The following DCP1A variants were observed in gnomAD, a reference collection of about 807,000 sequenced individuals.
DCP1A encodes the protein decapping mRNA 1A.
DCP1A carries 20 observed loss-of-function variants against 58.0 expected under a neutral mutation model. The observed-to-expected ratio is 0.34, with a 90% CI of 0.24 to 0.50. The LOEUF is 0.50. Among genes scored for constraint, DCP1A ranks in the 20% least tolerant of loss-of-function variants. The pLI, the probability that DCP1A is intolerant of heterozygous loss-of-function variation, is 0.98. For missense variants in DCP1A, 613 were observed against 712.2 expected (o/e 0.86, Z 1.59); for synonymous variants, 285 against 275.1 (o/e 1.04, Z -0.36).
chr3:53,330,857 A>ATT (rs35396974), intron 3 of DCP1A, among the ~76,000 whole-genome samples: 22 of 93,546 alleles, frequency 2.4e-4, no homozygotes, highest in East Asian at 5.1e-4. Context: ...AGTATATGTA[A>ATT]TTTTTTTTTT....
intron 6 of DCP1A, 91 bp from the exon 7 acceptor site, chr3:53,292,918 A>T (rs1706978533): frequency 3.1e-6 from 4 of 1,305,934 alleles, no homozygotes; most frequent in Non-Finnish European, 4.2e-6. Flanking sequence ...ATTTTGCAGA[A>T]TCAAGGATGG....
Position 53,292,396 on chromosome 3 carries a change from C to T in DCP1A, c.1056G>A (p.Arg352=), listed in dbSNP as rs1553686194. The T allele has an allele frequency of 6.2e-7, 1 of 1,613,406 alleles. No individual in the cohort carries two copies. Among genetic ancestry groups the T allele is most frequent in the Admixed American group, 1.7e-5 (1 of 59,980 alleles). ...GGACTGGCTGGTTCAGGAGTGGAGACCTCTGTCTAGGCGTGGTCTTCACTG... is the reference window on the plus strand; with the variant it reads ...GGACTGGCTGGTTCAGGAGTGGAGATCTCTGTCTAGGCGTGGTCTTCACTG... ...MQAVKTTPRQ[R]SPLLNQPVPE... The change falls in exon 7 of 10, where the codon AGG becomes AGA. Residue 352 remains arginine, a synonymous_variant. Transcript: ENST00000610213.
At chr3:53,341,331 T>C (rs929920718) in intron 3 of DCP1A, among the ~76,000 whole-genome samples, 50 of 152,118 alleles carry the variant, frequency 3.3e-4, no homozygotes, top group African/African-American at 1.2e-3. Flanking sequence ...GGCGGGTGCC[T>C]GTAGTCCCAG....
At position 53,285,293 on chromosome 3, in the gene DCP1A, T is replaced by TAA. The variant is rs1202151013; in HGVS notation, c.*2286_*2287insTT. On this transcript the variant is annotated 3_prime_UTR_variant, in exon 10 of 10. Coordinates refer to ENST00000610213, the MANE Select transcript of DCP1A (RefSeq NM_018403.7). ...ACCTAAGCTAGCATGAGGTTCTAGATAGTAAGCCTGAACTAGGAATAAGGC... is the reference window on the plus strand; with the variant it reads ...ACCTAAGCTAGCATGAGGTTCTAGATAAAGTAAGCCTGAACTAGGAATAAGGC... The TAA allele has an allele frequency of 6.6e-6, 1 of 152,178 alleles. No individual in the cohort carries two copies. Among genetic ancestry groups the TAA allele is most frequent in the African/African-American group, 2.4e-5 (1 of 41,438 alleles). The allele number at this position is 152,178 out of a possible 1,614,324, so 9.4% of individuals were successfully genotyped here.
rs145840841 is a variant in DCP1A, at chr3:53,313,810, A to C, written c.372-1431T>G. 5.9e-3 allele frequency among the ~76,000 whole-genome samples: 905 copies of C among 152,200 alleles called. 12 individuals carry two copies. Among genetic ancestry groups the C allele is most frequent in the Non-Finnish European group, 9.1e-3 (621 of 68,022 alleles). Reference sequence around the variant, plus strand: ...GAGCTCTCATTAGAGTGTGGGGAAGAGGTGAACAGAGATGGCTTTTTTATT... The same window carrying C: ...GAGCTCTCATTAGAGTGTGGGGAAGCGGTGAACAGAGATGGCTTTTTTATT... On this transcript the variant is annotated intron_variant, in intron 4 of 9. Coordinates refer to ENST00000610213, the MANE Select transcript of DCP1A (RefSeq NM_018403.7).
intron 6 of DCP1A, among the ~76,000 whole-genome samples, chr3:53,294,710 T>C (rs1251762011): frequency 1.3e-5 from 2 of 152,158 alleles, no homozygotes; most frequent in Non-Finnish European, 1.5e-5. Context: ...TTTCCAGCTG[T>C]GTGGCCTGAG....
chr3:53,292,121 G>A lies in DCP1A; in HGVS notation c.1331C>T (p.Ala444Val), dbSNP rs1415051313. 1.2e-6 allele frequency: 2 copies of A among 1,613,664 alleles called. No individual in the cohort carries two copies. The highest frequency in any genetic ancestry group is 1.7e-6 in the Non-Finnish European group (2 of 1,179,870). Residue 444 changes from alanine (A) to valine (V), a missense_variant, in exon 7 of 10, where the codon GCA becomes GTA. Transcript: ENST00000610213. ...CAGGGAGGCTGAGGCCGCCACTCTT[G>A]CTGCTGCTGTCTTAGAGGGAGGCTC... ...FIEPPSKTAA[A>V]RVAASASLSN... is the part of the protein sequence containing the mutation.
At chr3:53,336,039 A>T (rs551688306) in intron 3 of DCP1A, among the ~76,000 whole-genome samples, 1 of 151,696 alleles carries the variant, frequency 6.6e-6, no homozygotes, top group Admixed American at 6.6e-5. Context: ...GGCTCAAGTG[A>T]TCTGTTCGCC....
chr3:53,290,919 G>C, intron 7 of DCP1A, 63 bp from the exon 8 acceptor site: 1 of 1,393,284 alleles, frequency 7.2e-7, no homozygotes, highest in South Asian at 1.3e-5. Flanking sequence ...AGACTTCCTA[G>C]TCTTAATTGA....
At chr3:53,340,975 A>C (rs968021019) in intron 3 of DCP1A, among the ~76,000 whole-genome samples, 5 of 152,200 alleles carry the variant, frequency 3.3e-5, no homozygotes, top group African/African-American at 1.2e-4. Context: ...TGCTTACACC[A>C]CATAGGTAAC....
chr3:53,319,842 A>C (rs781970322), intron 3 of DCP1A, among the ~76,000 whole-genome samples: 5 of 152,192 alleles, frequency 3.3e-5, no homozygotes, highest in Non-Finnish European at 5.9e-5. Context: ...TTGATATTAA[A>C]ATTGTTGCCG....
At chr3:53,298,131 T>C (rs1232999536) in intron 6 of DCP1A, among the ~76,000 whole-genome samples, 2 of 152,182 alleles carry the variant, frequency 1.3e-5, no homozygotes, top group Non-Finnish European at 2.9e-5. Flanking sequence ...GGCAGGAGGA[T>C]TGTTTAAGCC....
chr3:53,346,103 A>G (rs1237315914), intron 1 of DCP1A, among the ~76,000 whole-genome samples: 2 of 152,188 alleles, frequency 1.3e-5, no homozygotes, highest in African/African-American at 4.8e-5. Context: ...TCTAGCCCCA[A>G]GTCTTCACCA....
chr3:53,338,129 C>A (rs1553692143), intron 3 of DCP1A: 1 of 447,374 alleles, frequency 2.2e-6, no homozygotes, highest in Non-Finnish European at 4.5e-6. Context: ...CAGCTCTGAG[C>A]CTCTTGTTTT....
At position 53,284,605 on chromosome 3, in the gene DCP1A, T is replaced by G. The variant is rs905048156; in HGVS notation, c.*2975A>C. The G allele has an allele frequency of 1.4e-5, 2 of 139,050 alleles. No homozygotes were observed. Among genetic ancestry groups the G allele is most frequent in the Admixed American group, 8.0e-5 (1 of 12,454 alleles). The allele number at this position is 139,050 out of a possible 1,614,324, so 8.6% of individuals were successfully genotyped here. A position where few individuals can be genotyped will look rare whatever the true frequency, so the allele number is the denominator to read the frequency against. On this transcript the variant is annotated 3_prime_UTR_variant, in exon 10 of 10. Coordinates refer to ENST00000610213, the MANE Select transcript of DCP1A (RefSeq NM_018403.7). ...AGGCTAGAGTGCAGTGGTGTGATCT[T>G]GGCTCACTGCAACCTCTGCCTCCCG...
intron 5 of DCP1A, among the ~76,000 whole-genome samples, chr3:53,309,754 C>A (rs1219849227): frequency 6.6e-6 from 1 of 152,156 alleles, no homozygotes; most frequent in Non-Finnish European, 1.5e-5. Context: ...AACAGAGAGA[C>A]CCTGTCTGAA....
chr3:53,334,069 C>A (rs139039610), intron 3 of DCP1A, among the ~76,000 whole-genome samples: 292 of 152,162 alleles, frequency 1.9e-3, no homozygotes, highest in African/African-American at 6.7e-3. Context: ...TGAGACCAGC[C>A]TGGACAATAT....
chr3:53,312,534 C>T (rs1393429347), intron 4 of DCP1A, among the ~76,000 whole-genome samples, 155 bp from the exon 5 acceptor site: 3 of 142,290 alleles, frequency 2.1e-5, no homozygotes, highest in African/African-American at 5.2e-5. Flanking sequence ...CTCGCACTGT[C>T]GCCCAGGCTG....
intron 5 of DCP1A, among the ~76,000 whole-genome samples, chr3:53,310,442 C>T (rs537258887): frequency 2.6e-5 from 4 of 152,188 alleles, no homozygotes; most frequent in Non-Finnish European, 4.4e-5. Context: ...TGCTTTAGTG[C>T]GCAGCACCTA....
Sources: allele counts gnomAD v4.1 joint callset (sites outside exome capture counted in the v4.1 genomes callset), GRCh38; gene constraint gnomAD v4.1.1; transcripts MANE v1.5; gene names NCBI Gene and HGNC (gene_info 2026-07-23, HGNC 2026-07-21).